Variants in UBTD1 observed in about 807,000 individuals in gnomAD.
The protein encoded by UBTD1 is ubiquitin domain containing 1, also known as ubiquitin domain-containing protein 1.
In UBTD1, 19 loss-of-function variants were observed where a neutral mutation model predicts 21.7. The observed-to-expected ratio is 0.87, with a 90% confidence interval of 0.61 to 1.28. The LOEUF (loss-of-function observed/expected upper bound fraction) is 1.28, where lower values mean the gene tolerates loss of function less well. UBTD1 is among the 50% of genes most tolerant of loss of function. The pLI is 0.00. For synonymous variants in UBTD1, 116 were observed against 135.1 expected, an observed-to-expected ratio of 0.86 and a Z score of 0.98; for missense variants, 282 against 315.1, an observed-to-expected ratio of 0.89 and a Z score of 0.80.
At chr10:97,551,720 C>T (rs2135680974) in intron 1 of UBTD1, among the ~76,000 whole-genome samples, 1 of 152,312 alleles carries the variant, frequency 6.6e-6, no homozygotes, top group South Asian at 2.1e-4. Flanking sequence ...ACTCTTCCCA[C>T]TTTTCCATGG....
At chr10:97,565,165 T>A (rs550733874) in intron 1 of UBTD1, among the ~76,000 whole-genome samples, 1 of 152,346 alleles carries the variant, frequency 6.6e-6, no homozygotes, top group East Asian at 1.9e-4. Context: ...TGGCTCAGAA[T>A]AAATCTCTTC....
intron 1 of UBTD1, among the ~76,000 whole-genome samples, chr10:97,514,844 C>T (rs747197953): frequency 4.9e-4 from 74 of 152,088 alleles, no homozygotes; most frequent in Non-Finnish European, 9.4e-4. Context: ...TGGTTGAAGC[C>T]GGAGAGAATG....
intron 1 of UBTD1, among the ~76,000 whole-genome samples, chr10:97,546,118 C>A (rs1391147200): frequency 6.6e-6 from 1 of 152,184 alleles, no homozygotes; most frequent in Non-Finnish European, 1.5e-5. Context: ...CTTCATCCAA[C>A]AGTGGAATAG....
intron 1 of UBTD1, among the ~76,000 whole-genome samples, chr10:97,516,581 C>T (rs1280985417): frequency 6.6e-6 from 1 of 152,148 alleles, no homozygotes; most frequent in Non-Finnish European, 1.5e-5. Context: ...CAAGACCATC[C>T]TGGCTAACGT....
chr10:97,529,517 C>T (rs1333519643), intron 1 of UBTD1, among the ~76,000 whole-genome samples: 2 of 152,232 alleles, frequency 1.3e-5, no homozygotes, highest in Admixed American at 6.5e-5. Flanking sequence ...ATCCCGGCAC[C>T]TCGGGAGGCC....
intron 1 of UBTD1, among the ~76,000 whole-genome samples, chr10:97,538,158 G>A (rs2040571843): frequency 6.6e-6 from 1 of 151,844 alleles, no homozygotes; most frequent in South Asian, 2.1e-4. Context: ...CTACTCTAGC[G>A]CATACCAGTT....
intron 1 of UBTD1, 112 bp downstream of exon 1, chr10:97,499,385 C>T: frequency 1.5e-6 from 2 of 1,314,538 alleles, no homozygotes; most frequent in South Asian, 1.6e-5. Context: ...CTTGGGTTTC[C>T]CCGATGGGCT....
intron 1 of UBTD1, among the ~76,000 whole-genome samples, chr10:97,528,323 G>A (rs1463804185): frequency 5.1e-5 from 7 of 137,600 alleles, no homozygotes; most frequent in East Asian, 2.3e-4. Flanking sequence ...CCTCCCTCCC[G>A]GACGGGGCGG....
chr10:97,503,170 C>T (rs2040384780), intron 1 of UBTD1, among the ~76,000 whole-genome samples: 1 of 152,198 alleles, frequency 6.6e-6, no homozygotes. Flanking sequence ...CTTATCTTGG[C>T]TTCCGAAAGT....
intron 1 of UBTD1, among the ~76,000 whole-genome samples, chr10:97,524,200 T>C (rs186250987): frequency 5.9e-5 from 9 of 152,244 alleles, no homozygotes; most frequent in Non-Finnish European, 1.3e-4. Context: ...GCTCAGGTGA[T>C]CCTCCCACTT....
At chr10:97,521,014 C>G (rs1265434409) in intron 1 of UBTD1, among the ~76,000 whole-genome samples, 1 of 152,156 alleles carries the variant, frequency 6.6e-6, no homozygotes, top group African/African-American at 2.4e-5. Context: ...ACTAGGAGGG[C>G]AGGAGGGAGA....
At chr10:97,514,594 C>T (rs553936893) in intron 1 of UBTD1, among the ~76,000 whole-genome samples, 3 of 152,282 alleles carry the variant, frequency 2.0e-5, no homozygotes, top group African/African-American at 7.2e-5. Context: ...CAGGCAGGGT[C>T]ACCTCGGATT....
At chr10:97,547,069 A>C (rs1449297479) in intron 1 of UBTD1, among the ~76,000 whole-genome samples, 2 of 152,046 alleles carry the variant, frequency 1.3e-5, no homozygotes, top group East Asian at 3.9e-4. Context: ...ACTCTGCCAT[A>C]CTCGGGGGAC....
At chr10:97,528,233 T>C (rs1589872922) in intron 1 of UBTD1, among the ~76,000 whole-genome samples, 1 of 101,040 alleles carries the variant, frequency 9.9e-6, no homozygotes, top group Non-Finnish European at 2.1e-5. Context: ...GGCTCCTCAC[T>C]TCCCAGTAGG....
chr10:97,558,248 A>T (rs1453496431), intron 1 of UBTD1, among the ~76,000 whole-genome samples: 3 of 152,152 alleles, frequency 2.0e-5, no homozygotes, highest in Non-Finnish European at 4.4e-5. Flanking sequence ...TGATACCAGG[A>T]GTAAGGTGGC....
chr10:97,553,754 A>G (rs2040651380), intron 1 of UBTD1, among the ~76,000 whole-genome samples: 1 of 152,178 alleles, frequency 6.6e-6, no homozygotes, highest in African/African-American at 2.4e-5. Flanking sequence ...CTCAGCTTAC[A>G]TTAACCCTGC....
chr10:97,559,533 T>A (rs1372299257), intron 1 of UBTD1, among the ~76,000 whole-genome samples: 2 of 152,354 alleles, frequency 1.3e-5, no homozygotes, highest in East Asian at 3.9e-4. Context: ...CACCATTTTA[T>A]ATTTAATAAT....
At chr10:97,505,117 G>A (rs145659639) in intron 1 of UBTD1, among the ~76,000 whole-genome samples, 1 of 152,318 alleles carries the variant, frequency 6.6e-6, no homozygotes, top group African/African-American at 2.4e-5. Context: ...TAGACTACAA[G>A]GGAGGAAGTT....
chr10:97,553,777 C>A (rs757931440), intron 1 of UBTD1, among the ~76,000 whole-genome samples: 1 of 152,188 alleles, frequency 6.6e-6, no homozygotes, highest in Non-Finnish European at 1.5e-5. Flanking sequence ...GCCCCCTCCC[C>A]CTCACCAGCC....
Sources: gnomAD v4.1 joint callset for allele counts (sites outside exome capture counted in the v4.1 genomes callset) on GRCh38, gnomAD v4.1.1 for gene constraint, MANE v1.5 for transcripts, NCBI Gene and HGNC (gene_info 2026-07-23, HGNC 2026-07-21) for gene names.